Variants in PDE4D observed in about 807,000 individuals in gnomAD.
The protein encoded by PDE4D is 3',5'-cyclic-AMP phosphodiesterase 4D.
A neutral mutation model predicts 87.4 loss-of-function variants in PDE4D; 24 were observed. That is an observed-to-expected ratio of 0.27 (90% CI 0.20 to 0.39). The LOEUF is 0.39. Among genes scored for constraint, PDE4D ranks in the 10% least tolerant of loss-of-function variants. The pLI is 1.00. For missense variants in PDE4D, 714 were observed against 1,041.0 expected (o/e 0.69, Z 4.32); for synonymous variants, 384 against 383.2 (o/e 1.00, Z -0.02).
rs866444979 is a variant in PDE4D at position 60,429,845 on chromosome 5, T to G, written c.-90+58097A>C. ...ATGGTGGTGGATTAGTTTTTTTTTT[T>G]TTGTTTTTTTTTTTAAACAATTTTA... On this transcript the variant is annotated intron_variant, in intron 1 of 16. Coordinates refer to the PDE4D transcript ENST00000502484. The G allele has an allele frequency of 1.8e-3, 600 of 342,190 alleles. 3 individuals carry two copies. Among genetic ancestry groups the G allele is most frequent in the Middle Eastern group, 0.01 (26 of 2,498 alleles). The allele number at this position is 342,190 out of a possible 1,614,324, so 21.2% of individuals were successfully genotyped here. A position where few individuals can be genotyped will look rare whatever the true frequency, so the allele number is the denominator to read the frequency against.
At chr5:59,567,833 T>G (rs1210652816) in intron 1 of PDE4D, among the ~76,000 whole-genome samples, 1 of 152,152 alleles carries the variant, frequency 6.6e-6, no homozygotes, top group Non-Finnish European at 1.5e-5. Context: ...TGGTAATGAG[T>G]TAGATTTGAA....
chr5:59,134,554 T>C (rs1012044477), intron 5 of PDE4D, among the ~76,000 whole-genome samples: 2 of 152,192 alleles, frequency 1.3e-5, no homozygotes, highest in Non-Finnish European at 2.9e-5. Flanking sequence ...GGCATTTTTC[T>C]TTCCTTCAGA....
chr5:60,224,949 G>A (rs1744919795), intron 1 of PDE4D, among the ~76,000 whole-genome samples: 1 of 151,956 alleles, frequency 6.6e-6, no homozygotes, highest in East Asian at 1.9e-4. Flanking sequence ...ACCACATCAT[G>A]CTGTATTATA....
At chr5:59,822,388 C>T (rs1350130901) in intron 1 of PDE4D, among the ~76,000 whole-genome samples, 1 of 152,046 alleles carries the variant, frequency 6.6e-6, no homozygotes, top group Non-Finnish European at 1.5e-5. Context: ...ATAGATTAAT[C>T]TCACTTTGTA....
intron 2 of PDE4D, among the ~76,000 whole-genome samples, chr5:60,133,542 A>C (rs752346463): frequency 1.3e-4 from 20 of 152,156 alleles, no homozygotes; most frequent in Non-Finnish European, 2.6e-4. Flanking sequence ...AACCTGACGT[A>C]ACTATCATGA....
chr5:60,329,913 G>A (rs1214750282), intron 1 of PDE4D, among the ~76,000 whole-genome samples: 1 of 152,166 alleles, frequency 6.6e-6, no homozygotes, highest in East Asian at 1.9e-4. Context: ...TAACATAATA[G>A]CCATTAATGG....
intron 1 of PDE4D, among the ~76,000 whole-genome samples, chr5:60,374,715 T>C (rs189167050): frequency 0.014 from 2,078 of 152,268 alleles, 49 homozygotes; most frequent in African/African-American, 0.047. Context: ...CAGGGCATTG[T>C]TCCCAGTTCA....
At chr5:60,385,736 C>T (rs1271980817) in intron 1 of PDE4D, among the ~76,000 whole-genome samples, 1 of 152,160 alleles carries the variant, frequency 6.6e-6, no homozygotes, top group Non-Finnish European at 1.5e-5. Context: ...CTATTGCCAC[C>T]TCTGTTTTGT....
At chr5:60,430,549 G>GTTT (rs34406756) in intron 1 of PDE4D, among the ~76,000 whole-genome samples, 1 of 131,998 alleles carries the variant, frequency 7.6e-6, no homozygotes, top group African/African-American at 3.0e-5. Context: ...TTTTTTGTTT[G>GTTT]TTTTTTTTTT....
intron 1 of PDE4D, among the ~76,000 whole-genome samples, chr5:60,349,777 G>A (rs969474276): frequency 3.9e-5 from 6 of 151,970 alleles, no homozygotes; most frequent in Non-Finnish European, 5.9e-5. Context: ...TGAGGTTTTC[G>A]TGTCTCTTTT....
At chr5:59,919,193 G>A (rs1164621738) in intron 3 of PDE4D, among the ~76,000 whole-genome samples, 1 of 152,118 alleles carries the variant, frequency 6.6e-6, no homozygotes, top group Non-Finnish European at 1.5e-5. Context: ...CAAGCAGGTT[G>A]GTAACGTCAA....
chr5:59,039,267 A>C, intron 5 of PDE4D: 1 of 1,181,212 alleles, frequency 8.5e-7, no homozygotes, highest in Non-Finnish European at 1.1e-6. Context: ...CGAGCGGAAA[A>C]ACCACTATGC....
chr5:60,123,563 C>T (rs964829759), intron 2 of PDE4D, among the ~76,000 whole-genome samples: 3 of 151,950 alleles, frequency 2.0e-5, no homozygotes, highest in South Asian at 2.1e-4. Flanking sequence ...TATCTCCCAC[C>T]GAGTCCCTCC....
At chr5:59,629,367 T>C (rs1831286611) in intron 1 of PDE4D, among the ~76,000 whole-genome samples, 1 of 152,100 alleles carries the variant, frequency 6.6e-6, no homozygotes, top group Admixed American at 6.6e-5. Flanking sequence ...TACTTCAATG[T>C]GACTGGTGTC....
intron 1 of PDE4D, among the ~76,000 whole-genome samples, chr5:60,508,761 G>T (rs1183310536): frequency 6.6e-6 from 1 of 152,070 alleles, no homozygotes; most frequent in African/African-American, 2.4e-5. Context: ...TCTATTTAAA[G>T]ATAGCTTATT....
chr5:60,496,448 A>G (rs943828425), intron 1 of PDE4D, among the ~76,000 whole-genome samples: 2 of 152,300 alleles, frequency 1.3e-5, no homozygotes, highest in South Asian at 2.1e-4. Flanking sequence ...CCTTAGGAAA[A>G]TACTGTTCCA....
intron 5 of PDE4D, among the ~76,000 whole-genome samples, chr5:59,076,940 A>G (rs1160425601): frequency 4.6e-5 from 7 of 152,222 alleles, no homozygotes; most frequent in Non-Finnish European, 2.9e-5. Flanking sequence ...CTACCGATCC[A>G]CAACATATAT....
chr5:59,348,085 C>G (rs911990867), intron 1 of PDE4D, among the ~76,000 whole-genome samples: 1 of 151,964 alleles, frequency 6.6e-6, no homozygotes, highest in African/African-American at 2.4e-5. Context: ...CCATTTTGTC[C>G]CTCACTACAT....
In PDE4D at chr5:59,529,534, G is replaced by C. The variant is rs72769705; in HGVS notation, c.456-313566C>G. On this transcript the variant is annotated intron_variant, in intron 1 of 14. Transcript: ENST00000340635. ...TTGACCTTTGAAGAGTCACATCATA[G>C]CTGTGTTAGCACTGAACCACAGGGC... 2.2e-3 allele frequency among the ~76,000 whole-genome samples: 337 copies of C among 152,280 alleles called. 2 individuals carry two copies. Among genetic ancestry groups the C allele is most frequent in the Non-Finnish European group, 4.0e-3 (274 of 68,016 alleles).
Sources: allele counts gnomAD v4.1 joint callset (sites outside exome capture counted in the v4.1 genomes callset), GRCh38; gene constraint gnomAD v4.1.1; transcripts MANE v1.5; gene names NCBI Gene and HGNC (gene_info 2026-07-23, HGNC 2026-07-21).